The following PRPF18 variants were observed in gnomAD, a reference collection of about 807,000 sequenced individuals.
The protein encoded by PRPF18 is pre-mRNA-splicing factor 18.
In PRPF18, 38 loss-of-function variants were observed where a neutral mutation model predicts 46.5. The ratio of observed to expected loss-of-function variants is 0.82; its 90% CI spans 0.63 to 1.07. PRPF18 has a LOEUF of 1.07. PRPF18 is among the 50% of genes least tolerant of loss of function. The probability of loss-of-function intolerance (pLI) is 0.00; values close to 1 mark genes in which losing one functional copy is unlikely to be tolerated. For missense variants in PRPF18, 263 were observed against 410.0 expected, an observed-to-expected ratio of 0.64 and a Z score of 3.10; for synonymous variants, 152 against 146.7, an observed-to-expected ratio of 1.04 and a Z score of -0.26.
intron 1 of PRPF18, among the ~76,000 whole-genome samples, chr10:13,590,453 AT>A (rs148512656): frequency 0.14 from 18,068 of 132,124 alleles, 1,161 homozygotes; most frequent in Admixed American, 0.16. Flanking sequence ...AAAAAAAAAA[AT>A]ATATATATAT....
downstream of PRPF18, chr10:13,632,943 G>A (rs1045755289): frequency 2.0e-5 from 3 of 152,140 alleles, no homozygotes; most frequent in East Asian, 5.8e-4. Context: ...TCCATTAAGA[G>A]TTGTGTCTCT....
At chr10:13,610,559 T>C (rs1262394129) in intron 5 of PRPF18, among the ~76,000 whole-genome samples, 1 of 152,242 alleles carries the variant, frequency 6.6e-6, no homozygotes, top group Non-Finnish European at 1.5e-5. Context: ...AGAGCTATCC[T>C]TGATGCTCTG....
intron 4 of PRPF18, among the ~76,000 whole-genome samples, chr10:13,608,325 C>T (rs1214392851): frequency 6.6e-6 from 1 of 152,206 alleles, no homozygotes; most frequent in Non-Finnish European, 1.5e-5. Context: ...TGCCCCTTTC[C>T]TGGCGTCTCA....
the PRPF18 span, chr10:13,654,379 G>T: frequency 2.3e-6 from 3 of 1,292,666 alleles, no homozygotes; most frequent in Non-Finnish European, 3.4e-6. Context: ...ACACTCTTTC[G>T]AGCTGACACA....
intron 1 of PRPF18, among the ~76,000 whole-genome samples, chr10:13,594,218 A>G (rs1051048940): frequency 3.3e-5 from 5 of 152,266 alleles, no homozygotes; most frequent in African/African-American, 4.8e-5. Flanking sequence ...TGAAAAGACT[A>G]TATTTGCGAA....
rs183108601 is a variant in PRPF18, at chr10:13,597,957, C to G, written c.144+422C>G. Among the ~76,000 whole-genome samples the G allele has an allele frequency of 1.9e-3, 293 of 152,218 alleles. 1 individual carries two copies. The highest frequency in any genetic ancestry group is 2.5e-3 in the Non-Finnish European group (168 of 67,990). On this transcript the variant is annotated intron_variant, in intron 2 of 9. Transcript: ENST00000378572. ...AGTAATATTAGTGGTGGTAATTTTC[C>G]TGCCTTCTCCGGAATATTTTAAGCC... is the stretch of plus-strand genomic sequence containing the variant.
chr10:13,591,509 C>G (rs947645725), intron 1 of PRPF18: 1 of 706,536 alleles, frequency 1.4e-6, no homozygotes, highest in Non-Finnish European at 2.6e-6. Context: ...AAACACAGAT[C>G]GCAGGTAGTC....
chr10:13,601,186 A>C (rs1310875810), intron 3 of PRPF18, among the ~76,000 whole-genome samples: 3 of 152,208 alleles, frequency 2.0e-5, no homozygotes, highest in Admixed American at 2.0e-4. Flanking sequence ...ATACATAATA[A>C]TGTGTGATTA....
intron 6 of PRPF18, among the ~76,000 whole-genome samples, chr10:13,612,521 G>A (rs1014208915): frequency 5.3e-5 from 8 of 150,740 alleles, no homozygotes; most frequent in Admixed American, 5.3e-4. Flanking sequence ...CTGACCACAA[G>A]TGATCCACCT....
chr10:13,609,862 T>A (rs2080246228), intron 4 of PRPF18, among the ~76,000 whole-genome samples, 177 bp from the exon 5 acceptor site: 1 of 152,234 alleles, frequency 6.6e-6, no homozygotes, highest in Non-Finnish European at 1.5e-5. Flanking sequence ...AAGAATTAAC[T>A]TTAAATGGAC....
chr10:13,655,133 C>G, the PRPF18 span: 1 of 152,312 alleles, frequency 6.6e-6, no homozygotes, highest in African/African-American at 2.4e-5. Flanking sequence ...GGAAGTCCAG[C>G]TGGAAAGATT....
intron 9 of PRPF18, among the ~76,000 whole-genome samples, chr10:13,619,290 A>G (rs1398215872): frequency 6.6e-6 from 1 of 152,252 alleles, no homozygotes; most frequent in African/African-American, 2.4e-5. Flanking sequence ...TGTTTTATAC[A>G]ATTGGACAGA....
At chr10:13,648,988 G>A in the PRPF18 span, among the ~76,000 whole-genome samples, 2 of 150,802 alleles carry the variant, frequency 1.3e-5, no homozygotes, top group African/African-American at 5.0e-5. Context: ...AAATGTAAAT[G>A]TATATGAAAC....
the PRPF18 span, chr10:13,654,344 T>C: frequency 3.0e-6 from 3 of 986,910 alleles, no homozygotes; most frequent in Admixed American, 1.7e-5. Context: ...CATATCCTTA[T>C]GTCACCAGGA....
chr10:13,608,668 A>G (rs896720100), intron 4 of PRPF18, among the ~76,000 whole-genome samples: 3 of 152,182 alleles, frequency 2.0e-5, no homozygotes, highest in Admixed American at 6.5e-5. Context: ...CCATGTGCCT[A>G]TGAGTAAACC....
intron 4 of PRPF18, among the ~76,000 whole-genome samples, chr10:13,606,098 A>G (rs1462900622): frequency 3.9e-5 from 6 of 152,120 alleles, no homozygotes; most frequent in South Asian, 2.1e-4. Context: ...ACGTTTCCCT[A>G]TGTAACAAAC....
intron 3 of PRPF18, among the ~76,000 whole-genome samples, chr10:13,602,961 G>C (rs1217856565): frequency 6.6e-6 from 1 of 152,238 alleles, no homozygotes; most frequent in African/African-American, 2.4e-5. Context: ...TTGAATTCCT[G>C]ATTCAGGTGA....
chr10:13,630,360 A>G lies in PRPF18; in HGVS notation c.*20A>G, dbSNP rs1296497283. On this transcript the variant is annotated 3_prime_UTR_variant, in exon 10 of 10. Coordinates refer to ENST00000378572, the MANE Select transcript of PRPF18 (RefSeq NM_003675.4). ...CTGTGAGATCTGTGTATGGTGTGTT[A>G]ATAACAATAAGAAACTTAGGGAAGC... The G allele has an allele frequency of 4.5e-6, 7 of 1,568,646 alleles. No individual in the cohort carries two copies. The highest frequency in any genetic ancestry group is 6.1e-6 in the Non-Finnish European group (7 of 1,142,242).
chr10:13,630,785 TTGAA>T lies in PRPF18; in HGVS notation c.*450_*453del, dbSNP rs2080583051. The T allele has an allele frequency of 6.6e-6, 1 of 152,152 alleles. No individual in the cohort carries two copies. The highest frequency in any genetic ancestry group is 1.5e-5 in the Non-Finnish European group (1 of 68,038). 9.4% of individuals were successfully genotyped at this position (152,152 alleles called of 1,614,324 possible). On this transcript the variant is annotated 3_prime_UTR_variant, in exon 10 of 10. Transcript: ENST00000378572. ...TATATATTTCAAAAACATGGGACCA[TTGAA>T]TGAAACTTTATAGTCCTTAAATGTT...
Sources: gnomAD v4.1 joint callset for allele counts (sites outside exome capture counted in the v4.1 genomes callset) on GRCh38, gnomAD v4.1.1 for gene constraint, MANE v1.5 for transcripts, NCBI Gene and HGNC (gene_info 2026-07-23, HGNC 2026-07-21) for gene names.